CDH12: variants seen among roughly 807,000 people sequenced by gnomAD.
CDH12 encodes cadherin-12.
A neutral mutation model predicts 74.1 loss-of-function variants in CDH12; 41 were observed. That is an observed-to-expected ratio of 0.55 (90% CI 0.43 to 0.72). CDH12 has a LOEUF of 0.72. CDH12 is among the 30% of genes least tolerant of loss of function. The pLI is 0.00. For synonymous variants in CDH12, 399 were observed against 355.0 expected (o/e 1.12, Z -1.39); for missense variants, 945 against 977.2 (o/e 0.97, Z 0.44).
chr5:22,378,671 T>G (rs1438849671), intron 3 of CDH12, among the ~76,000 whole-genome samples: 2 of 152,138 alleles, frequency 1.3e-5, no homozygotes, highest in Non-Finnish European at 2.9e-5. Context: ...TATTGAGTTG[T>G]GTCTCTTTAT....
At chr5:21,918,652 A>G (rs1347338553) in intron 6 of CDH12, among the ~76,000 whole-genome samples, 1 of 152,052 alleles carries the variant, frequency 6.6e-6, no homozygotes, top group Non-Finnish European at 1.5e-5. Flanking sequence ...TTATCACAAG[A>G]ACAGCATGGG....
intron 5 of CDH12, among the ~76,000 whole-genome samples, chr5:22,061,187 T>C (rs531439167): frequency 2.6e-4 from 40 of 152,316 alleles, no homozygotes; most frequent in African/African-American, 8.7e-4. Flanking sequence ...GGAAATTTTC[T>C]TATGAAATTT....
intron 1 of CDH12, among the ~76,000 whole-genome samples, chr5:22,835,206 A>T (rs546415448): frequency 6.6e-6 from 1 of 151,992 alleles, no homozygotes; most frequent in South Asian, 2.1e-4. Flanking sequence ...TAATGTCTAC[A>T]CTCTGTTCAC....
chr5:21,934,119 C>A (rs955453683), intron 6 of CDH12, among the ~76,000 whole-genome samples: 8 of 152,200 alleles, frequency 5.3e-5, no homozygotes, highest in Middle Eastern at 3.4e-3. Context: ...CACACCCACA[C>A]ACACACACTC....
chr5:22,702,888 T>C (rs1345769578), intron 1 of CDH12, among the ~76,000 whole-genome samples: 1 of 152,128 alleles, frequency 6.6e-6, no homozygotes, highest in Non-Finnish European at 1.5e-5. Context: ...TACCACTTTT[T>C]ACAATAGTTA....
At chr5:22,466,557 G>A (rs1580678811) in intron 2 of CDH12, among the ~76,000 whole-genome samples, 1 of 152,132 alleles carries the variant, frequency 6.6e-6, no homozygotes, top group African/African-American at 2.4e-5. Context: ...TTGCACACGT[G>A]TGTAGGAGTA....
intron 4 of CDH12, among the ~76,000 whole-genome samples, chr5:22,130,497 G>A (rs1746122624): frequency 1.3e-5 from 2 of 152,018 alleles, no homozygotes; most frequent in South Asian, 4.1e-4. Flanking sequence ...TAAAGGTTCT[G>A]TTTATTTTCA....
intron 3 of CDH12, among the ~76,000 whole-genome samples, chr5:22,331,504 C>G (rs1739351634): frequency 6.6e-6 from 1 of 152,300 alleles, no homozygotes. Context: ...AAAACCACAT[C>G]ATTATTGGAC....
chr5:22,606,387 C>CA (rs1217669368), intron 1 of CDH12, among the ~76,000 whole-genome samples: 1 of 152,178 alleles, frequency 6.6e-6, no homozygotes, highest in Non-Finnish European at 1.5e-5. Flanking sequence ...CGTGTCCCCA[C>CA]AAAAATCTCA....
Position 21,752,165 on chromosome 5 carries a change from TGTC to T in CDH12, c.1954_1956del (p.Asp652del). On this transcript the variant is annotated inframe_deletion, in exon 15 of 15. Transcript: ENST00000382254. Reference sequence around the variant, plus strand: ...TCGTAATGGATGACGTTGTCTCTGATGTCTTCTTTAGAGGTCATCAGGGTGTCT... The same window carrying T: ...TCGTAATGGATGACGTTGTCTCTGATTTCTTTAGAGGTCATCAGGGTGTCT... 6.2e-7 allele frequency: 1 copy of T among 1,614,064 alleles called. No homozygotes were observed. The highest frequency in any genetic ancestry group is 8.5e-7 in the Non-Finnish European group (1 of 1,179,924).
At position 22,316,809 on chromosome 5, in the gene CDH12, T is replaced by C. The variant is rs544948489; in HGVS notation, c.-333+88448A>G. ...AATACTATAATGATATATATTTATA[T>C]TCAAGTAGGAAAAAAGACATGTCAG... On this transcript the variant is annotated intron_variant, in intron 3 of 14. Transcript: ENST00000382254. 3.6e-4 allele frequency among the ~76,000 whole-genome samples: 55 copies of C among 152,284 alleles called. 1 individual carries two copies. The highest frequency in any genetic ancestry group is 3.4e-3 in the Middle Eastern group (1 of 290).
intron 3 of CDH12, among the ~76,000 whole-genome samples, chr5:22,301,200 G>A (rs980404772): frequency 1.3e-5 from 2 of 152,146 alleles, no homozygotes; most frequent in African/African-American, 2.4e-5. Context: ...TTGAGCAGAT[G>A]CTGGAATAGG....
At chr5:21,845,973 C>T (rs113180264) in intron 7 of CDH12, among the ~76,000 whole-genome samples, 16,889 of 152,074 alleles carry the variant, frequency 0.11, 1,801 homozygotes, top group African/African-American at 0.29. Context: ...AGCAGCTGTG[C>T]GGAGAGAAAA....
At chr5:21,798,172 T>G (rs1746896753) in intron 10 of CDH12, among the ~76,000 whole-genome samples, 1 of 152,050 alleles carries the variant, frequency 6.6e-6, no homozygotes, top group South Asian at 2.1e-4. Flanking sequence ...TGATAAATAA[T>G]GTTAGGTTAA....
chr5:22,386,137 C>A (rs984813681), intron 3 of CDH12, among the ~76,000 whole-genome samples: 1 of 152,100 alleles, frequency 6.6e-6, no homozygotes, highest in African/African-American at 2.4e-5. Flanking sequence ...GGTGACCTGC[C>A]TGCCTTGGTC....
At chr5:22,122,039 T>C (rs75816092) in intron 4 of CDH12, among the ~76,000 whole-genome samples, 1 of 151,962 alleles carries the variant, frequency 6.6e-6, no homozygotes, top group Non-Finnish European at 1.5e-5. Context: ...AAAAAAAAAA[T>C]ACTTATTAGG....
intron 4 of CDH12, among the ~76,000 whole-genome samples, chr5:22,168,497 A>G (rs938593620): frequency 2.6e-5 from 4 of 152,090 alleles, no homozygotes; most frequent in African/African-American, 9.6e-5. Flanking sequence ...TAATTTTAAA[A>G]TAATTTGTTT....
chr5:22,568,603 T>C (rs557696978), intron 1 of CDH12, among the ~76,000 whole-genome samples: 135 of 152,278 alleles, frequency 8.9e-4, no homozygotes, highest in Non-Finnish European at 1.4e-3. Context: ...ACTTTAAAAA[T>C]AGATTTTAAA....
intron 8 of CDH12, among the ~76,000 whole-genome samples, chr5:21,835,406 T>G (rs2149977625): frequency 6.6e-6 from 1 of 151,736 alleles, no homozygotes; most frequent in South Asian, 2.1e-4. Context: ...TATACACAAA[T>G]GAATTTACAT....
Sources: gnomAD v4.1 joint callset for allele counts (sites outside exome capture counted in the v4.1 genomes callset) on GRCh38, gnomAD v4.1.1 for gene constraint, MANE v1.5 for transcripts, NCBI Gene and HGNC (gene_info 2026-07-23, HGNC 2026-07-21) for gene names.